The following PIH1D1 variants were observed in gnomAD, a reference collection of about 807,000 sequenced individuals.
The protein encoded by PIH1D1 is PIH1 domain containing 1.
PIH1D1 carries 28 observed loss-of-function variants against 38.5 expected under a neutral mutation model. That is an observed-to-expected ratio of 0.73 (90% confidence interval 0.54 to 1.00). PIH1D1 has a LOEUF of 1.00. Among genes scored for constraint, PIH1D1 ranks in the 50% least tolerant of loss-of-function variants. The probability of loss-of-function intolerance (pLI) is 0.00; values close to 1 mark genes in which losing one functional copy is unlikely to be tolerated. For synonymous variants in PIH1D1, 155 were observed against 153.5 expected (o/e 1.01, Z -0.07); for missense variants, 343 against 369.9 (o/e 0.93, Z 0.60).
Position 49,447,845 on chromosome 19 carries a change from T to C in PIH1D1, c.463A>G (p.Asn155Asp), listed in dbSNP as rs1265660589. The change falls in exon 5 of 9, where the codon AAC becomes GAC. Residue 155 changes from asparagine to aspartate, a missense_variant. Coordinates refer to ENST00000262265, the MANE Select transcript of PIH1D1 (RefSeq NM_017916.3). ...IAREGLEDKY[N>D]LQLNPEWRMM... is the part of the protein sequence containing the mutation. ...CCCTCACCCGGATTCAGCTGCAAGT[T>C]GTATTTGTCCTCAAGGCCCTCCCTG... 1 of 1,613,962 alleles carries C rather than the reference T, an allele frequency of 6.2e-7. No individual in the cohort carries two copies. Among genetic ancestry groups the C allele is most frequent in the East Asian group, 2.2e-5 (1 of 44,886 alleles).
Position 49,446,563 on chromosome 19 carries a change from G to C in PIH1D1, c.819C>G (p.His273Gln). Residue 273 changes from histidine to glutamine, a missense_variant, in exon 8 of 9, where the codon CAC becomes CAG. His to Gln is a conservative substitution (Grantham distance 24, BLOSUM62 0). Coordinates refer to ENST00000262265, the MANE Select transcript of PIH1D1 (RefSeq NM_017916.3). ...CTCCCCCAGGCACCTTTCTCTTCCG[G>C]TGGAAGGCTGCCTTGCTCTCATGAG... is the stretch of plus-strand genomic sequence containing the variant. ...INSHESKAAF[H>Q]RKRKQLMVAM... is the part of the protein sequence containing the mutation. The C allele has an allele frequency of 6.2e-7, 1 of 1,614,010 alleles. No individual in the cohort carries two copies. The highest frequency in any genetic ancestry group is 8.5e-7 in the Non-Finnish European group (1 of 1,179,954).
chr19:49,446,993 C>T, intron 7 of PIH1D1, 31 bp downstream of exon 7: 1 of 1,559,162 alleles, frequency 6.4e-7, no homozygotes, highest in South Asian at 1.1e-5. Flanking sequence ...AGACCTCATT[C>T]CCCTGCTCTG....
chr19:49,450,891 T>A, intron 1 of PIH1D1, 43 bp from the exon 2 acceptor site: 1 of 1,613,322 alleles, frequency 6.2e-7, no homozygotes, highest in Non-Finnish European at 8.5e-7. Flanking sequence ...GTCTGTGCCA[T>A]CAGACCCCTC....
intron 5 of PIH1D1, 47 bp downstream of exon 5, chr19:49,447,780 C>T (rs1475734752): frequency 5.7e-6 from 9 of 1,583,850 alleles, no homozygotes; most frequent in Non-Finnish European, 7.8e-6. Context: ...TTCCCCAAAC[C>T]GCTCCTGGCT....
chr19:49,447,566 CTT>C, intron 5 of PIH1D1, 99 bp from the exon 6 acceptor site: 1 of 1,453,832 alleles, frequency 6.9e-7, no homozygotes, highest in South Asian at 1.2e-5. Flanking sequence ...CACCAGGACT[CTT>C]GGGGTCTGAC....
chr19:49,448,354 AAGCCTGGCGTTG>A, intron 3 of PIH1D1: 1 of 460,912 alleles, frequency 2.2e-6, no homozygotes, highest in African/African-American at 2.0e-5. Flanking sequence ...TGAGCCCCAC[AAGCCTGGCGTTG>A]GAGACCCTAT....
At chr19:49,447,737 C>G (rs947365697) in intron 5 of PIH1D1, 90 bp downstream of exon 5, 39 of 1,367,646 alleles carry the variant, frequency 2.9e-5, no homozygotes, top group Non-Finnish European at 3.6e-5. Flanking sequence ...CCAGGGCACC[C>G]TGCCCAAGCC....
At chr19:49,450,426 G>A (rs1024567053) in intron 2 of PIH1D1, among the ~76,000 whole-genome samples, 5 of 151,626 alleles carry the variant, frequency 3.3e-5, no homozygotes, top group South Asian at 2.1e-4. Context: ...TGTTTGTTTC[G>A]TTTTGTTTTT....
intron 2 of PIH1D1, 77 bp from the exon 3 acceptor site, chr19:49,449,731 C>T (rs893000116): frequency 2.7e-5 from 35 of 1,275,672 alleles, no homozygotes; most frequent in Non-Finnish European, 6.6e-6. Flanking sequence ...CAGGCTCTGT[C>T]TCTTTTCCTT....
intron 7 of PIH1D1, 128 bp downstream of exon 7, chr19:49,446,896 G>A: frequency 9.2e-7 from 1 of 1,084,658 alleles, no homozygotes; most frequent in Non-Finnish European, 1.4e-6. Flanking sequence ...AAGGTGGCCT[G>A]TGGGCCTCCT....
intron 6 of PIH1D1, 117 bp from the exon 7 acceptor site, chr19:49,447,216 TTCTC>T: frequency 6.7e-7 from 1 of 1,497,840 alleles, no homozygotes; most frequent in Non-Finnish European, 9.2e-7. Flanking sequence ...CAGTCAGGAG[TTCTC>T]TCTCCTCCCT....
rs1442116880 is a variant in PIH1D1, at chr19:49,447,898, A to T, written c.410T>A (p.Phe137Tyr). Reference protein sequence around the residue: ...DFYRRMQNSDFLRELVITIAR... With the variant: ...DFYRRMQNSDYLRELVITIAR... ...GATGGTGATCACGAGCTCCCGCAAGAAATCGCTGTTCTGGGGTGACAGAGA... is the reference window on the plus strand; with the variant it reads ...GATGGTGATCACGAGCTCCCGCAAGTAATCGCTGTTCTGGGGTGACAGAGA... The change falls in exon 5 of 9, where the codon TTC (phenylalanine) becomes TAC (tyrosine). Residue 137 changes from phenylalanine to tyrosine, a missense_variant. Coordinates refer to ENST00000262265, the MANE Select transcript of PIH1D1 (RefSeq NM_017916.3). The T allele has an allele frequency of 6.2e-7, 1 of 1,614,156 alleles. No individual in the cohort carries two copies. Among genetic ancestry groups the T allele is most frequent in the Admixed American group, 1.7e-5 (1 of 60,026 alleles).
At position 49,446,621 on chromosome 19, in the gene PIH1D1, T is replaced by C; in HGVS notation, c.761A>G (p.His254Arg). ...CTGCAGCGGGATATAAGCGTCTAGA[T>C]GATACAGCTGCTGGGGGCCCCCCAT... Reference protein sequence around the residue: ...LVMGGPQQLYHLDAYIPLQIN... With the variant: ...LVMGGPQQLYRLDAYIPLQIN... The change falls in exon 8 of 9, where the codon CAT (histidine) becomes CGT (arginine). Residue 254 changes from histidine (H) to arginine (R), a missense_variant. By Grantham distance (29) the His-to-Arg change is conservative (BLOSUM62 0). Coordinates refer to ENST00000262265, the MANE Select transcript of PIH1D1 (RefSeq NM_017916.3). The C allele has an allele frequency of 1.2e-6, 2 of 1,611,082 alleles. No homozygotes were observed. The highest frequency in any genetic ancestry group is 1.7e-6 in the Non-Finnish European group (2 of 1,178,620).
intron 5 of PIH1D1, 24 bp downstream of exon 5, chr19:49,447,803 G>T (rs370603888): frequency 4.0e-5 from 64 of 1,610,574 alleles, no homozygotes; most frequent in Non-Finnish European, 5.2e-5. Flanking sequence ...ACTCTTTCCC[G>T]AGGGCCCAGG....
At chr19:49,447,549 AC>A in intron 5 of PIH1D1, 82 bp from the exon 6 acceptor site, 1 of 1,527,922 alleles carries the variant, frequency 6.5e-7, no homozygotes, top group Non-Finnish European at 8.9e-7. Flanking sequence ...GATAGGCTCC[AC>A]CGGCTCACCA....
Position 49,451,734 on chromosome 19 carries a change from G to T in PIH1D1, c.-160C>A. On this transcript the variant is annotated 5_prime_UTR_variant, in exon 1 of 9. Coordinates refer to ENST00000262265, the MANE Select transcript of PIH1D1 (RefSeq NM_017916.3). ...GGCCTAAGACTACATTTCCATTCAA[G>T]ACCGAACACCATCGTCAAATCCGTG... is the stretch of plus-strand genomic sequence containing the variant. The T allele has an allele frequency of 7.0e-7, 1 of 1,427,554 alleles. No individual in the cohort carries two copies. The highest frequency in any genetic ancestry group is 1.5e-5 in the South Asian group (1 of 67,382). The allele number at this position is 1,427,554 out of a possible 1,614,324, so 88.4% of individuals were successfully genotyped here.
At chr19:49,448,915 G>T (rs371927562) in intron 3 of PIH1D1, 1 of 222,516 alleles carries the variant, frequency 4.5e-6, no homozygotes, top group South Asian at 6.0e-5. Flanking sequence ...GCCGCAGGCT[G>T]GGTGCAGTGG....
At chr19:49,450,677 A>AGCCC in intron 2 of PIH1D1, 105 bp downstream of exon 2, 4 of 353,418 alleles carry the variant, frequency 1.1e-5, no homozygotes, top group East Asian at 6.4e-5. Flanking sequence ...GTGTCTGCTC[A>AGCCC]CCCCACCCCC....
intron 1 of PIH1D1, 50 bp downstream of exon 1, chr19:49,451,435 C>T: frequency 6.2e-7 from 1 of 1,609,890 alleles, no homozygotes; most frequent in Admixed American, 1.7e-5. Context: ...CTTTGAGCAC[C>T]CCGCCAAAAT....
Sources: gnomAD v4.1 joint callset for allele counts (sites outside exome capture counted in the v4.1 genomes callset) on GRCh38, gnomAD v4.1.1 for gene constraint, MANE v1.5 for transcripts, NCBI Gene and HGNC (gene_info 2026-07-23, HGNC 2026-07-21) for gene names.